The following PDE7B variants were observed in gnomAD, a reference collection of about 807,000 sequenced individuals.
The protein encoded by PDE7B is phosphodiesterase 7B, also known as 3',5'-cyclic-AMP phosphodiesterase 7B.
In PDE7B, 29 loss-of-function variants were observed where a neutral mutation model predicts 56.2. The observed-to-expected ratio is 0.52, with a 90% CI of 0.38 to 0.70. The LOEUF (loss-of-function observed/expected upper bound fraction) is 0.70, where lower values mean the gene tolerates loss of function less well. Ranked by LOEUF, PDE7B falls within the 30% of genes least tolerant of loss-of-function variation. PDE7B has a pLI of 0.00. For synonymous variants in PDE7B, 197 were observed against 196.9 expected, an observed-to-expected ratio of 1.00 and a Z score of 0.00; for missense variants, 490 against 565.0, an observed-to-expected ratio of 0.87 and a Z score of 1.35.
At chr6:136,029,779 T>C (rs1372566930) in intron 2 of PDE7B, among the ~76,000 whole-genome samples, 1 of 152,212 alleles carries the variant, frequency 6.6e-6, no homozygotes, top group Non-Finnish European at 1.5e-5. Context: ...CTTAGACACA[T>C]GTCAAAGTTG....
chr6:136,086,426 T>C (rs1777293345), intron 2 of PDE7B, among the ~76,000 whole-genome samples: 1 of 152,088 alleles, frequency 6.6e-6, no homozygotes, highest in Non-Finnish European at 1.5e-5. Context: ...GCTCCCCCTG[T>C]ACAGAGACAG....
intron 1 of PDE7B, among the ~76,000 whole-genome samples, chr6:135,924,803 C>T: frequency 6.6e-6 from 1 of 150,808 alleles, no homozygotes; most frequent in Admixed American, 6.6e-5. Context: ...CAGTGAGTAA[C>T]ATAGGAAAAT....
rs1273694326 is a variant in PDE7B, at chr6:135,934,729, C to CAA, written c.22-12725_22-12724dup. On this transcript the variant is annotated intron_variant, in intron 1 of 12. Coordinates refer to ENST00000308191, the MANE Select transcript of PDE7B (RefSeq NM_018945.4). ...TGGAGACAAGAGTGAAACTCTGTCTCAAAAAAAAAAATATATATATATATA... is the reference window on the plus strand; with the variant it reads ...TGGAGACAAGAGTGAAACTCTGTCTCAAAAAAAAAAAAATATATATATATATA... 6.5e-4 allele frequency among the ~76,000 whole-genome samples: 30 copies of CAA among 46,222 alleles called. 1 individual carries two copies. The highest frequency in any genetic ancestry group is 1.9e-3 in the African/African-American group (29 of 14,928). 30.3% of individuals were successfully genotyped at this position (46,222 alleles called of 152,430 possible). A position where few individuals can be genotyped will look rare whatever the true frequency, so the allele number is the denominator to read the frequency against.
chr6:136,024,308 G>T (rs575744867), intron 2 of PDE7B, among the ~76,000 whole-genome samples: 6 of 152,080 alleles, frequency 3.9e-5, no homozygotes, highest in African/African-American at 1.4e-4. Context: ...TGAGGTAAAG[G>T]GCCCAGCAGC....
chr6:135,991,096 T>C (rs1003611703), intron 2 of PDE7B, among the ~76,000 whole-genome samples: 3 of 152,218 alleles, frequency 2.0e-5, no homozygotes, highest in African/African-American at 7.2e-5. Flanking sequence ...AGTGTAGCAG[T>C]GAGACGACCA....
chr6:136,078,492 G>C (rs907188245), intron 2 of PDE7B, among the ~76,000 whole-genome samples: 9 of 151,604 alleles, frequency 5.9e-5, no homozygotes, highest in Non-Finnish European at 1.3e-4. Context: ...CCATGTTAAA[G>C]TAGACTTCAA....
chr6:136,048,946 T>C (rs1232101959), intron 2 of PDE7B: 1 of 152,208 alleles, frequency 6.6e-6, no homozygotes, highest in East Asian at 1.9e-4. Flanking sequence ...CATCCTATCA[T>C]GAAGGATTTA....
In PDE7B at chr6:136,096,070, C is replaced by T. The variant is rs926547462; in HGVS notation, c.83-12661C>T. The T allele has an allele frequency of 5.3e-5, 8 of 152,298 alleles. No homozygotes were observed. In the South Asian group the frequency reaches 1.5e-3, roughly 28 times the overall value. The allele number at this position is 152,298 out of a possible 1,614,324, so 9.4% of individuals were successfully genotyped here. On this transcript the variant is annotated intron_variant, in intron 2 of 12. Coordinates refer to ENST00000308191, the MANE Select transcript of PDE7B (RefSeq NM_018945.4). ...AACAACACTTGGAGTTTAAAAGAAT[C>T]CCAAGTGCCATGTTGGCACAGATGT... is the stretch of plus-strand genomic sequence containing the variant.
intron 1 of PDE7B, among the ~76,000 whole-genome samples, chr6:135,896,224 A>G (rs1427840111): frequency 6.6e-6 from 1 of 152,186 alleles, no homozygotes. Context: ...AAGCACAAGT[A>G]GCAAGGTGGA....
chr6:136,038,628 T>C, intron 2 of PDE7B: 6 of 907,728 alleles, frequency 6.6e-6, no homozygotes, highest in Non-Finnish European at 8.8e-6. Flanking sequence ...ATGAACTGTG[T>C]AGCATCAGGT....
At chr6:135,970,275 G>A (rs925529381) in intron 2 of PDE7B, among the ~76,000 whole-genome samples, 4 of 152,104 alleles carry the variant, frequency 2.6e-5, no homozygotes, top group African/African-American at 9.7e-5. Context: ...GGAGTGACAT[G>A]GTGGTGGCAG....
At chr6:135,873,668 GTAGA>G (rs1197505258) in intron 1 of PDE7B, among the ~76,000 whole-genome samples, 1 of 152,082 alleles carries the variant, frequency 6.6e-6, no homozygotes, top group Non-Finnish European at 1.5e-5. Context: ...CATGTTGTAA[GTAGA>G]TAGGCAAATA....
chr6:135,852,308 TA>T (rs906725762), intron 1 of PDE7B, among the ~76,000 whole-genome samples: 80 of 147,450 alleles, frequency 5.4e-4, no homozygotes, highest in African/African-American at 1.2e-3. Context: ...AGGTGGTCTT[TA>T]AAAAAAAAAA....
chr6:136,158,265 G>T (rs1226578348), intron 8 of PDE7B, among the ~76,000 whole-genome samples: 1 of 152,078 alleles, frequency 6.6e-6, no homozygotes, highest in Non-Finnish European at 1.5e-5. Flanking sequence ...CCTAGGGAGA[G>T]GGTCTATAAG....
At chr6:135,985,561 C>T (rs1296127137) in intron 2 of PDE7B, among the ~76,000 whole-genome samples, 1 of 152,192 alleles carries the variant, frequency 6.6e-6, no homozygotes, top group African/African-American at 2.4e-5. Flanking sequence ...TTTGACAAAG[C>T]TGCTGCATCC....
chr6:135,984,940 C>A (rs1177455796), intron 2 of PDE7B, among the ~76,000 whole-genome samples: 1 of 151,792 alleles, frequency 6.6e-6, no homozygotes, highest in African/African-American at 2.4e-5. Context: ...GAAAAGAGAA[C>A]AGAAACAAAC....
chr6:136,101,879 A>G (rs780786900), intron 2 of PDE7B, among the ~76,000 whole-genome samples: 26 of 152,296 alleles, frequency 1.7e-4, no homozygotes, highest in South Asian at 2.1e-4. Context: ...ACCAGGATAA[A>G]TGTTCGGTTT....
chr6:135,854,392 TG>T (rs1406123627), intron 1 of PDE7B, among the ~76,000 whole-genome samples: 1 of 152,212 alleles, frequency 6.6e-6, no homozygotes. Context: ...CTCACATTGT[TG>T]GGGTACATAA....
At chr6:136,081,370 C>A (rs1356442834) in intron 2 of PDE7B, among the ~76,000 whole-genome samples, 2 of 152,022 alleles carry the variant, frequency 1.3e-5, no homozygotes, top group Non-Finnish European at 2.9e-5. Flanking sequence ...GATCTGATGA[C>A]CAAATGGATA....
Sources: gnomAD v4.1 joint callset for allele counts (sites outside exome capture counted in the v4.1 genomes callset) on GRCh38, gnomAD v4.1.1 for gene constraint, MANE v1.5 for transcripts, NCBI Gene and HGNC (gene_info 2026-07-23, HGNC 2026-07-21) for gene names.